The following ANKRD26 variants were observed in gnomAD, a reference collection of about 807,000 sequenced individuals.
ANKRD26 encodes ankyrin repeat domain 26.
A neutral mutation model predicts 208.7 loss-of-function variants in ANKRD26; 141 were observed. The observed-to-expected ratio is 0.68, with a 90% confidence interval of 0.59 to 0.78. The LOEUF is 0.78. Among genes scored for constraint, ANKRD26 ranks in the 30% least tolerant of loss-of-function variants. The probability of loss-of-function intolerance (pLI) is 0.00; values close to 1 mark genes in which losing one functional copy is unlikely to be tolerated. For missense variants in ANKRD26, 1,889 were observed against 1,938.7 expected (o/e 0.97, Z 0.48); for synonymous variants, 636 against 660.4 (o/e 0.96, Z 0.57).
chr10:26,966,583 C>T, the ANKRD26 span, among the ~76,000 whole-genome samples: 13 of 152,210 alleles, frequency 8.5e-5, no homozygotes, highest in African/African-American at 2.6e-4. Context: ...ACGTTCTGCA[C>T]ATGTATCCCA....
At chr10:27,081,074 TAG>T (rs35715806) in intron 6 of ANKRD26, 29,875 of 410,558 alleles carry the variant, frequency 0.073, 1,502 homozygotes, top group East Asian at 0.28. Flanking sequence ...CTACTGGCTG[TAG>T]AGACTCTTCC....
In ANKRD26 at chr10:27,024,510, G is replaced by C; in HGVS notation, c.4022C>G (p.Ser1341Ter). The change falls in exon 28 of 34, where the codon TCA (serine) becomes TGA (stop). Residue 1341 changes from serine to a stop codon, truncating the protein, a stop_gained. Transcript: ENST00000376087. LOFTEE classifies it high-confidence loss of function. Reference sequence around the variant, plus strand: ...TTCTTGATCCAAATTACATTCCAGTGACTGTTTTAATTCCATAAGTTTCTT... The same window carrying C: ...TTCTTGATCCAAATTACATTCCAGTCACTGTTTTAATTCCATAAGTTTCTT... ...QLKKLMELKQ[S>*]LECNLDQEMK... is the part of the protein sequence containing the mutation. The C allele has an allele frequency of 6.3e-7, 1 of 1,586,378 alleles. No homozygotes were observed. The highest frequency in any genetic ancestry group is 8.6e-7 in the Non-Finnish European group (1 of 1,157,758).
At chr10:27,061,080 T>A in intron 13 of ANKRD26, 64 bp downstream of exon 13, 1 of 1,191,150 alleles carries the variant, frequency 8.4e-7, no homozygotes, top group East Asian at 2.3e-5. Context: ...TGTTCTGAAT[T>A]GATCAGCTTG....
Position 27,048,964 on chromosome 10 carries a change from T to C in ANKRD26, c.1651A>G (p.Lys551Glu). Reference sequence around the variant, plus strand: ...TCCATTTCATTATTTCTGTGTTTTTTCCTTTCTTCTTCAACCTTTAATGAA... The same window carrying C: ...TCCATTTCATTATTTCTGTGTTTTTCCCTTTCTTCTTCAACCTTTAATGAA... ...NNQPQVEEER[K>E]KHRNNEMEVS... Residue 551 changes from lysine (K) to glutamate (E), a missense_variant, in exon 17 of 34, where the codon AAA (lysine) becomes GAA (glutamate). Around this residue, in one of 3 missense-constraint regions of ANKRD26, gnomAD observed 1,272 missense variants for 1,273.8 expected, o/e 1.00. Coordinates refer to ENST00000376087, the MANE Select transcript of ANKRD26 (RefSeq NM_014915.3). The C allele has an allele frequency of 1.2e-6, 2 of 1,602,778 alleles. No individual in the cohort carries two copies. The highest frequency in any genetic ancestry group is 1.7e-6 in the Non-Finnish European group (2 of 1,173,282).
At chr10:27,046,837 T>C (rs562677336) in intron 17 of ANKRD26, among the ~76,000 whole-genome samples, 1 of 152,094 alleles carries the variant, frequency 6.6e-6, no homozygotes, top group Non-Finnish European at 1.5e-5. Flanking sequence ...TATGAAAAGA[T>C]ATATCTGAAC....
At chr10:27,086,062 G>C (rs1443248658) in intron 5 of ANKRD26, among the ~76,000 whole-genome samples, 1 of 152,102 alleles carries the variant, frequency 6.6e-6, no homozygotes, top group Non-Finnish European at 1.5e-5. Context: ...TGGGGGACTT[G>C]AAAGTTAGTG....
At chr10:26,993,656 A>G (rs1401004118) in intron 5 of ANKRD26, among the ~76,000 whole-genome samples, 2 of 152,116 alleles carry the variant, frequency 1.3e-5, no homozygotes, top group African/African-American at 4.8e-5. Flanking sequence ...CCTTGCTCTT[A>G]AGTGTATTTT....
At chr10:26,953,264 A>G in the ANKRD26 span, among the ~76,000 whole-genome samples, 2 of 152,086 alleles carry the variant, frequency 1.3e-5, no homozygotes, top group Non-Finnish European at 2.9e-5. Context: ...TGTCTCTACA[A>G]AAAATAAAAT....
chr10:26,952,762 A>G, the ANKRD26 span, among the ~76,000 whole-genome samples: 2 of 152,346 alleles, frequency 1.3e-5, no homozygotes, highest in East Asian at 1.9e-4. Flanking sequence ...TAACCTACCA[A>G]TTGGACATAC....
At chr10:27,038,711 T>C (rs1286964380) in intron 21 of ANKRD26, among the ~76,000 whole-genome samples, 2 of 152,144 alleles carry the variant, frequency 1.3e-5, no homozygotes, top group Non-Finnish European at 2.9e-5. Context: ...GGAAAGATCA[T>C]TAAACTAACT....
intron 23 of ANKRD26, among the ~76,000 whole-genome samples, chr10:27,036,279 C>T (rs938620735): frequency 2.6e-4 from 40 of 151,794 alleles, no homozygotes; most frequent in African/African-American, 8.7e-4. Context: ...TAAATCTAGG[C>T]ATTGTACTAA....
Position 27,066,484 on chromosome 10 carries a change from T to A in ANKRD26, c.1269+3A>T. 6.3e-7 allele frequency: 1 copy of A among 1,578,922 alleles called. No individual in the cohort carries two copies. The highest frequency in any genetic ancestry group is 8.7e-7 in the Non-Finnish European group (1 of 1,154,944). ...AAATAATAGTAACAACCATAGAAAG[T>A]ACCTCAGAATCCCAAGGTGATTCTA... On this transcript the variant is annotated splice_donor_region_variant and intron_variant, in intron 11 of 33. Transcript: ENST00000376087.
At chr10:27,056,476 A>AT (rs923801526) in intron 15 of ANKRD26, among the ~76,000 whole-genome samples, 4 of 151,532 alleles carry the variant, frequency 2.6e-5, no homozygotes, top group Admixed American at 6.6e-5. Flanking sequence ...GCCAAAAATA[A>AT]TTTTTTTTAA....
At chr10:26,951,606 T>C in the ANKRD26 span, among the ~76,000 whole-genome samples, 50,366 of 143,106 alleles carry the variant, frequency 0.35, 10,603 homozygotes, top group Non-Finnish European at 0.49. Context: ...TAATGGATTG[T>C]TTGACTTTGT....
At chr10:26,995,339 T>C (rs1188499070) in intron 4 of ANKRD26, among the ~76,000 whole-genome samples, 2 of 152,192 alleles carry the variant, frequency 1.3e-5, no homozygotes, top group Non-Finnish European at 2.9e-5. Flanking sequence ...CAGACTTGTA[T>C]AGAAGGGAAG....
In ANKRD26 at chr10:27,100,168, A is replaced by C. The variant is rs1275250548; in HGVS notation, c.159T>G (p.Ala53=). The change falls in exon 1 of 34, where the codon GCT becomes GCG. Residue 53 remains alanine (A), a synonymous_variant. Coordinates refer to ENST00000376087, the MANE Select transcript of ANKRD26 (RefSeq NM_014915.3). The part of the protein sequence containing the change: ...RDRDLGKIHK[A]ASAGNVAKVQ... Reference sequence around the variant, plus strand: ...CTTTCGCCACATTACCCGCGCTGGCAGCTTTGTGGATCTTGCCGAGATCTC... The same window carrying C: ...CTTTCGCCACATTACCCGCGCTGGCCGCTTTGTGGATCTTGCCGAGATCTC... 2 of 1,614,122 alleles carry C rather than the reference A, an allele frequency of 1.2e-6. No individual in the cohort carries two copies. The highest frequency in any genetic ancestry group is 3.3e-5 in the Admixed American group (2 of 60,030).
At position 27,035,532 on chromosome 10, in the gene ANKRD26, T is replaced by G; in HGVS notation, c.2918A>C (p.Gln973Pro). The G allele has an allele frequency of 6.2e-7, 1 of 1,614,006 alleles. No homozygotes were observed. The highest frequency in any genetic ancestry group is 8.5e-7 in the Non-Finnish European group (1 of 1,179,922). ...NEETLTQTIS[Q>P]YNGRLSVLTA... ...CAGAACACTAAGCCGTCCATTATACTGGGATATTGTTTGTGTTAATGTTTC... is the reference window on the plus strand; with the variant it reads ...CAGAACACTAAGCCGTCCATTATACGGGGATATTGTTTGTGTTAATGTTTC... The change falls in exon 24 of 34, where the codon CAG (glutamine) becomes CCG (proline). Residue 973 changes from glutamine (Q) to proline (P), a missense_variant. Around this residue, in one of 3 missense-constraint regions of ANKRD26, gnomAD observed 1,272 missense variants for 1,273.8 expected, o/e 1.00. Coordinates refer to ENST00000376087, the MANE Select transcript of ANKRD26 (RefSeq NM_014915.3).
At chr10:26,971,878 C>T (rs1410849798), downstream of ANKRD26, among the ~76,000 whole-genome samples, 1 of 152,180 alleles carries the variant, frequency 6.6e-6, no homozygotes, top group East Asian at 1.9e-4. Context: ...AAATCTCTAC[C>T]GTGCAGTTTC....
At chr10:26,960,395 C>T in the ANKRD26 span, among the ~76,000 whole-genome samples, 27 of 152,150 alleles carry the variant, frequency 1.8e-4, no homozygotes, top group Non-Finnish European at 3.2e-4. Flanking sequence ...CCCAGCTGAG[C>T]GCAGCCTTCC....
Sources: gnomAD v4.1 joint callset for allele counts (sites outside exome capture counted in the v4.1 genomes callset) on GRCh38, gnomAD v4.1.1 for gene constraint, gnomAD v4.1.1 regional missense constraint, MANE v1.5 for transcripts, NCBI Gene and HGNC (gene_info 2026-07-23, HGNC 2026-07-21) for gene names.